NBAS: variants seen among roughly 807,000 people sequenced by gnomAD.
NBAS encodes the protein NAG/BC035112 fusion.
NBAS carries 219 observed loss-of-function variants against 302.5 expected under a neutral mutation model. The ratio of observed to expected loss-of-function variants is 0.72; its 90% CI spans 0.65 to 0.81. NBAS has a LOEUF of 0.81. Among genes scored for constraint, NBAS ranks in the 30% least tolerant of loss-of-function variants. The pLI is 0.00. For missense variants in NBAS, 2,932 were observed against 2,841.6 expected, an observed-to-expected ratio of 1.03 and a Z score of -0.72; for synonymous variants, 1,118 against 1,021.6, an observed-to-expected ratio of 1.09 and a Z score of -1.80.
the NBAS span, among the ~76,000 whole-genome samples, chr2:15,133,772 C>A: frequency 1.3e-5 from 2 of 152,016 alleles, no homozygotes; most frequent in African/African-American, 4.8e-5. Flanking sequence ...TACATGTGGA[C>A]TAAATTTTTT....
intron 48 of NBAS, among the ~76,000 whole-genome samples, chr2:15,209,188 G>C (rs1366262997): frequency 1.3e-5 from 2 of 152,060 alleles, no homozygotes. Context: ...CAGTAAGTTG[G>C]AAAATCTAGA....
the NBAS span, among the ~76,000 whole-genome samples, chr2:15,112,115 A>G: frequency 2.2e-4 from 33 of 151,522 alleles, no homozygotes; most frequent in African/African-American, 7.5e-4. Context: ...AGAAAGCCAA[A>G]TCTGCAAAAT....
At chr2:15,042,914 G>GTTCCTGATGCAACGACTTT in the NBAS span, among the ~76,000 whole-genome samples, 1 of 152,198 alleles carries the variant, frequency 6.6e-6, no homozygotes. Flanking sequence ...ACTTTGCATG[G>GTTCCTGATGCAACGACTTT]TTCCTGATGC....
At chr2:15,291,978 T>C (rs933800191) in intron 41 of NBAS, among the ~76,000 whole-genome samples, 2 of 152,296 alleles carry the variant, frequency 1.3e-5, no homozygotes, top group East Asian at 3.9e-4. Flanking sequence ...AATCATTATT[T>C]GATATTTTTG....
chr2:15,457,459 T>C (rs767681653), intron 21 of NBAS, among the ~76,000 whole-genome samples: 5 of 152,192 alleles, frequency 3.3e-5, no homozygotes, highest in Non-Finnish European at 7.3e-5. Context: ...GTTTTCAGCA[T>C]TGCTATTGAC....
chr2:15,383,804 G>A lies in NBAS; in HGVS notation c.3258-487C>T, dbSNP rs540946335. ...CGCAGGCCACATTTGCCATCAGTCT[G>A]GGGGACAAGAATCGCGGCTCACCAG... On this transcript the variant is annotated intron_variant, in intron 28 of 51. Coordinates refer to ENST00000281513, the MANE Select transcript of NBAS (RefSeq NM_015909.4). 2.6e-5 allele frequency among the ~76,000 whole-genome samples: 4 copies of A among 152,234 alleles called. No homozygotes were observed. In the East Asian group the frequency reaches 7.7e-4, roughly 29 times the overall value.
the NBAS span, among the ~76,000 whole-genome samples, chr2:14,956,479 C>G: frequency 6.6e-6 from 1 of 152,130 alleles, no homozygotes; most frequent in African/African-American, 2.4e-5. Context: ...TCTGTAGTAC[C>G]AATTTACTGT....
the NBAS span, among the ~76,000 whole-genome samples, chr2:14,955,670 T>C: frequency 6.6e-6 from 1 of 152,232 alleles, no homozygotes; most frequent in Non-Finnish European, 1.5e-5. Context: ...CTGCCCAGGC[T>C]TGGGGCTTGC....
At chr2:15,283,978 T>C (rs1318806974) in intron 42 of NBAS, among the ~76,000 whole-genome samples, 2 of 152,240 alleles carry the variant, frequency 1.3e-5, no homozygotes, top group East Asian at 1.9e-4. Flanking sequence ...AAGTTTGTAA[T>C]GAGTGACAAA....
chr2:15,275,209 T>A (rs1449748846), intron 44 of NBAS, among the ~76,000 whole-genome samples: 1 of 152,208 alleles, frequency 6.6e-6, no homozygotes, highest in African/African-American at 2.4e-5. Context: ...GAATGGCATA[T>A]TTACTATAAA....
chr2:15,243,410 G>A (rs963652642), intron 44 of NBAS, among the ~76,000 whole-genome samples: 2 of 152,102 alleles, frequency 1.3e-5, no homozygotes, highest in African/African-American at 4.8e-5. Context: ...CCATCAGCCT[G>A]GATCCTTAAG....
the NBAS span, among the ~76,000 whole-genome samples, chr2:14,909,384 A>AAAAAAAAAAAAAAAAAAAAAAAT: frequency 7.9e-6 from 1 of 127,092 alleles, no homozygotes; most frequent in Non-Finnish European, 1.7e-5. Context: ...AAAAAAAAAA[A>AAAAAAAAAAAAAAAAAAAAAAAT]AAAAAGATTT....
At chr2:15,224,184 T>C (rs887324098) in intron 47 of NBAS, among the ~76,000 whole-genome samples, 3 of 152,182 alleles carry the variant, frequency 2.0e-5, no homozygotes, top group Admixed American at 6.5e-5. Context: ...TTCCCTATTA[T>C]GTAATGTAGC....
At chr2:15,424,243 C>A in intron 23 of NBAS, 72 bp downstream of exon 23, 1 of 1,554,174 alleles carries the variant, frequency 6.4e-7, no homozygotes, top group Admixed American at 1.7e-5. Context: ...GCCCCGACTC[C>A]GTGTACTGAA....
the NBAS span, among the ~76,000 whole-genome samples, chr2:15,086,973 C>T: frequency 6.6e-6 from 1 of 152,090 alleles, no homozygotes; most frequent in African/African-American, 2.4e-5. Context: ...GCTGATACTC[C>T]CCAACACGCA....
intron 32 of NBAS, among the ~76,000 whole-genome samples, chr2:15,364,948 A>T (rs1276600374): frequency 6.6e-6 from 1 of 152,130 alleles, no homozygotes. Flanking sequence ...GATAACCAAA[A>T]CACTCTATAA....
At chr2:15,327,668 C>T (rs1672134011) in intron 38 of NBAS, 82 bp downstream of exon 38, 2 of 1,551,384 alleles carry the variant, frequency 1.3e-6, no homozygotes, top group Non-Finnish European at 1.8e-6. Flanking sequence ...CTTTTCCAAA[C>T]TCTTGTTCAT....
At chr2:15,352,722 G>GCC (rs1216183974) in intron 34 of NBAS, among the ~76,000 whole-genome samples, 1 of 152,120 alleles carries the variant, frequency 6.6e-6, no homozygotes, top group Non-Finnish European at 1.5e-5. Context: ...CCGGTGGAAT[G>GCC]CCCTCACAGG....
rs1269257349 is a variant in NBAS, at chr2:15,309,199, GC to G, written c.4630del (p.Ala1544LeufsTer12). Reference protein sequence around the residue: ...SEALPNDMTLALAYLLALPQV... With the variant: ...SEALPNDMTLXLAYLLALPQV... ...TGGTAAGGCAAGAAGGTAAGCAAGAGCCAAGGTCATGTCATTTGGCAAGGCT... is the reference window on the plus strand; with the variant it reads ...TGGTAAGGCAAGAAGGTAAGCAAGAGCAAGGTCATGTCATTTGGCAAGGCT... On this transcript the variant is annotated frameshift_variant, in exon 39 of 52. Transcript: ENST00000281513. LOFTEE classifies it high-confidence loss of function. 1 of 1,612,870 alleles carries G rather than the reference GC, an allele frequency of 6.2e-7. No homozygotes were observed. Among genetic ancestry groups the G allele is most frequent in the Non-Finnish European group, 8.5e-7 (1 of 1,179,304 alleles).
Sources: allele counts gnomAD v4.1 joint callset (sites outside exome capture counted in the v4.1 genomes callset), GRCh38; gene constraint gnomAD v4.1.1; transcripts MANE v1.5; gene names NCBI Gene and HGNC (gene_info 2026-07-23, HGNC 2026-07-21).